MBNL1: variants seen among roughly 807,000 people sequenced by gnomAD.
The protein encoded by MBNL1 is muscleblind like splicing regulator 1.
MBNL1 carries 8 observed loss-of-function variants against 42.2 expected under a neutral mutation model. The ratio of observed to expected loss-of-function variants is 0.19; its 90% CI spans 0.11 to 0.34. The LOEUF (loss-of-function observed/expected upper bound fraction) is 0.34, where lower values mean the gene tolerates loss of function less well. MBNL1 is among the 10% of genes least tolerant of loss of function. The probability of loss-of-function intolerance (pLI) is 1.00; values close to 1 mark genes in which losing one functional copy is unlikely to be tolerated. For synonymous variants in MBNL1, 169 were observed against 173.9 expected, an observed-to-expected ratio of 0.97 and a Z score of 0.22; for missense variants, 309 against 495.3, an observed-to-expected ratio of 0.62 and a Z score of 3.57.
intron 6 of MBNL1, among the ~76,000 whole-genome samples, chr3:152,450,128 A>G (rs1719389963): frequency 6.6e-6 from 1 of 151,066 alleles, no homozygotes; most frequent in Non-Finnish European, 1.5e-5. Flanking sequence ...ACCACACAAA[A>G]CAACAACAAC....
intron 2 of MBNL1, among the ~76,000 whole-genome samples, chr3:152,341,302 T>G (rs532572354): frequency 3.0e-4 from 45 of 152,374 alleles, no homozygotes; most frequent in Non-Finnish European, 3.2e-4. Flanking sequence ...TTTCTAGAAC[T>G]CTTAAATTCC....
At chr3:152,372,330 T>C (rs534307772) in intron 2 of MBNL1, among the ~76,000 whole-genome samples, 2 of 152,222 alleles carry the variant, frequency 1.3e-5, no homozygotes, top group Non-Finnish European at 2.9e-5. Flanking sequence ...TCCAGTTTTG[T>C]TTCCTTGCTG....
At chr3:152,349,002 C>T (rs1040984157) in intron 2 of MBNL1, among the ~76,000 whole-genome samples, 15 of 152,022 alleles carry the variant, frequency 9.9e-5, no homozygotes, top group Non-Finnish European at 2.1e-4. Flanking sequence ...ATAAGTCTTA[C>T]TACCTCCTGG....
intron 2 of MBNL1, among the ~76,000 whole-genome samples, chr3:152,312,203 A>AAC (rs1177598700): frequency 2.3e-4 from 35 of 151,110 alleles, no homozygotes; most frequent in Non-Finnish European, 5.9e-5. Context: ...AAAAAAAAAA[A>AAC]AAAAAAAAAG....
chr3:152,386,209 A>G (rs1180606462), intron 2 of MBNL1, among the ~76,000 whole-genome samples: 2 of 152,076 alleles, frequency 1.3e-5, no homozygotes, highest in Non-Finnish European at 1.5e-5. Flanking sequence ...CAAATAATCT[A>G]TGAAAAAATT....
At chr3:152,323,479 G>A (rs1447878742) in intron 2 of MBNL1, among the ~76,000 whole-genome samples, 2 of 151,828 alleles carry the variant, frequency 1.3e-5, no homozygotes, top group African/African-American at 4.8e-5. Context: ...ACACACACAC[G>A]TCATGCCTTA....
At chr3:152,396,571 G>C (rs955985504) in intron 2 of MBNL1, among the ~76,000 whole-genome samples, 1 of 152,126 alleles carries the variant, frequency 6.6e-6, no homozygotes, top group East Asian at 1.9e-4. Context: ...CTTTGAAAGT[G>C]CTCCACTCCT....
At chr3:152,390,613 G>A (rs199506543) in intron 2 of MBNL1, among the ~76,000 whole-genome samples, 1 of 147,156 alleles carries the variant, frequency 6.8e-6, no homozygotes, top group Non-Finnish European at 1.5e-5. Context: ...GTATTGTTAT[G>A]CACACACACA....
At chr3:152,451,504 C>G (rs1314517914) in intron 6 of MBNL1, among the ~76,000 whole-genome samples, 1 of 152,124 alleles carries the variant, frequency 6.6e-6, no homozygotes, top group East Asian at 1.9e-4. Context: ...ATCTATCCAC[C>G]CATCTTTCCA....
intron 4 of MBNL1, among the ~76,000 whole-genome samples, chr3:152,444,812 A>G (rs911667254): frequency 5.3e-5 from 8 of 152,108 alleles, no homozygotes; most frequent in Non-Finnish European, 1.0e-4. Flanking sequence ...ATATCTTTCC[A>G]TTCACTTCAT....
At chr3:152,414,094 G>C (rs1267790305) in intron 2 of MBNL1, among the ~76,000 whole-genome samples, 1 of 152,138 alleles carries the variant, frequency 6.6e-6, no homozygotes, top group African/African-American at 2.4e-5. Flanking sequence ...TTCAGTCCAG[G>C]CTATGTTCGT....
chr3:152,451,091 A>G (rs1560653926), intron 6 of MBNL1, among the ~76,000 whole-genome samples: 1 of 152,230 alleles, frequency 6.6e-6, no homozygotes, highest in Non-Finnish European at 1.5e-5. Flanking sequence ...ACTGGGAAGA[A>G]AATGGAATTC....
intron 4 of MBNL1, 147 bp from the exon 5 acceptor site, chr3:152,445,135 C>G: frequency 1.7e-6 from 1 of 605,220 alleles, no homozygotes. Flanking sequence ...CTAGGAAATG[C>G]TGAAGTTACT....
chr3:152,373,140 C>G (rs1474744319), intron 2 of MBNL1, among the ~76,000 whole-genome samples: 1 of 152,088 alleles, frequency 6.6e-6, no homozygotes, highest in Non-Finnish European at 1.5e-5. Flanking sequence ...ATGGTGGACG[C>G]TTCTCCCCAC....
At chr3:152,253,874 C>T (rs1364593405) in intron 2 of MBNL1, among the ~76,000 whole-genome samples, 6 of 152,082 alleles carry the variant, frequency 3.9e-5, no homozygotes, top group African/African-American at 1.4e-4. Context: ...TCATTTTACC[C>T]CATTTTAATT....
rs1331833992 is a variant in MBNL1, at chr3:152,463,646, G to GTTTTT, written c.*1282_*1283insTTTTT. On this transcript the variant is annotated 3_prime_UTR_variant, in exon 10 of 10. Transcript: ENST00000324210. ...TGTGATTTTTGTTTTGTTTTGTTTT[G>GTTTTT]TTCAGATTAACTGCTTATAGCCTTA... is the stretch of plus-strand genomic sequence containing the variant. 2.0e-5 allele frequency: 3 copies of GTTTTT among 152,090 alleles called. No individual in the cohort carries two copies. The highest frequency in any genetic ancestry group is 2.9e-5 in the Non-Finnish European group (2 of 67,836). The allele number at this position is 152,090 out of a possible 1,614,324, so 9.4% of individuals were successfully genotyped here. A position where few individuals can be genotyped will look rare whatever the true frequency, so the allele number is the denominator to read the frequency against.
chr3:152,446,081 T>C (rs2099220621), intron 5 of MBNL1, among the ~76,000 whole-genome samples: 1 of 152,110 alleles, frequency 6.6e-6, no homozygotes, highest in Non-Finnish European at 1.5e-5. Flanking sequence ...ATAGTAACAC[T>C]AGAGAAGCTT....
chr3:152,265,179 T>A (rs982755084), upstream of MBNL1: 3 of 152,352 alleles, frequency 2.0e-5, no homozygotes, highest in African/African-American at 7.2e-5. Context: ...CATACAAGAA[T>A]GTTTGCAACT....
chr3:152,248,722 T>C (rs890559444), intron 2 of MBNL1, among the ~76,000 whole-genome samples: 1 of 152,048 alleles, frequency 6.6e-6, no homozygotes, highest in Non-Finnish European at 1.5e-5. Flanking sequence ...ACCCATTAAC[T>C]CATCATTTAG....
Sources: gnomAD v4.1 joint callset for allele counts (sites outside exome capture counted in the v4.1 genomes callset) on GRCh38, gnomAD v4.1.1 for gene constraint, MANE v1.5 for transcripts, NCBI Gene and HGNC (gene_info 2026-07-23, HGNC 2026-07-21) for gene names.